ZNF385B: variants seen among roughly 807,000 people sequenced by gnomAD.
ZNF385B encodes zinc finger protein 385B.
ZNF385B carries 23 observed loss-of-function variants against 39.2 expected under a neutral mutation model. The observed-to-expected ratio is 0.59, with a 90% confidence interval of 0.42 to 0.83. The LOEUF is 0.83. Ranked by LOEUF, ZNF385B falls within the 40% of genes least tolerant of loss-of-function variation. ZNF385B has a pLI of 0.00. For missense variants in ZNF385B, 552 were observed against 598.9 expected (o/e 0.92, Z 0.82); for synonymous variants, 205 against 222.6 (o/e 0.92, Z 0.70).
intron 1 of ZNF385B, among the ~76,000 whole-genome samples, chr2:179,773,603 T>C (rs1486851176): frequency 6.6e-6 from 1 of 152,164 alleles, no homozygotes; most frequent in Non-Finnish European, 1.5e-5. Flanking sequence ...ATTATTTATA[T>C]AGTTTTATGA....
At chr2:179,768,539 C>G (rs1456333290) in intron 3 of ZNF385B, among the ~76,000 whole-genome samples, 1 of 152,014 alleles carries the variant, frequency 6.6e-6, no homozygotes, top group East Asian at 1.9e-4. Flanking sequence ...AGTGAAATTC[C>G]AACAAATGTT....
At chr2:179,587,816 T>C (rs1388803499) in intron 3 of ZNF385B, among the ~76,000 whole-genome samples, 2 of 152,268 alleles carry the variant, frequency 1.3e-5, no homozygotes, top group Non-Finnish European at 2.9e-5. Context: ...TCAAGTCTTC[T>C]GTTCATAAGA....
chr2:179,461,700 A>T (rs13390691), intron 6 of ZNF385B, among the ~76,000 whole-genome samples: 44,075 of 152,008 alleles, frequency 0.29, 6,771 homozygotes, highest in East Asian at 0.46. Context: ...TGTGCAAAAT[A>T]CTACCCTTTT....
intron 6 of ZNF385B, among the ~76,000 whole-genome samples, chr2:179,482,044 C>T (rs1340076087): frequency 1.3e-5 from 2 of 152,236 alleles, no homozygotes; most frequent in Non-Finnish European, 1.5e-5. Flanking sequence ...ATTTAGTGAT[C>T]CTATTGTACA....
intron 3 of ZNF385B, among the ~76,000 whole-genome samples, chr2:179,724,822 G>A (rs1331025637): frequency 6.6e-6 from 1 of 152,152 alleles, no homozygotes; most frequent in Non-Finnish European, 1.5e-5. Flanking sequence ...AGCTAGGGAG[G>A]ATGGGAATGT....
intron 6 of ZNF385B, chr2:179,480,799 C>G (rs1574359688): frequency 6.6e-6 from 1 of 151,068 alleles, no homozygotes; most frequent in African/African-American, 2.4e-5. Context: ...TTATACCAAA[C>G]ACAGAGAAAC....
At chr2:179,821,981 T>C (rs547105956) in intron 1 of ZNF385B, among the ~76,000 whole-genome samples, 75 of 152,326 alleles carry the variant, frequency 4.9e-4, no homozygotes, top group African/African-American at 1.7e-3. Flanking sequence ...TGCTGCATAG[T>C]GCAAGGTTTT....
At chr2:179,478,345 T>C (rs1401191659) in intron 6 of ZNF385B, among the ~76,000 whole-genome samples, 1 of 152,224 alleles carries the variant, frequency 6.6e-6, no homozygotes, top group Non-Finnish European at 1.5e-5. Context: ...CTATTTAGTA[T>C]AGATAATCAA....
chr2:179,530,821 A>C (rs1348939743), intron 4 of ZNF385B, among the ~76,000 whole-genome samples: 1 of 152,234 alleles, frequency 6.6e-6, no homozygotes, highest in Non-Finnish European at 1.5e-5. Context: ...AGCACTAGTA[A>C]AGCTCTAGAC....
chr2:179,630,410 C>T (rs1455512255), intron 3 of ZNF385B, among the ~76,000 whole-genome samples: 2 of 152,226 alleles, frequency 1.3e-5, no homozygotes, highest in African/African-American at 2.4e-5. Flanking sequence ...CAAATGCCAA[C>T]AGATCTGCAG....
rs114721962 is a variant in ZNF385B, at chr2:179,576,578, T to C, written c.299-31609A>G. Among the ~76,000 whole-genome samples the C allele has an allele frequency of 2.4e-3, 361 of 152,322 alleles. 2 individuals are homozygous for C. The highest frequency in any genetic ancestry group is 8.3e-3 in the African/African-American group (347 of 41,580). ...CTTCACTTTGTTCCTGTAATACCTATATTCCACATCACCGTAGTTACTGCA... is the reference window on the plus strand; with the variant it reads ...CTTCACTTTGTTCCTGTAATACCTACATTCCACATCACCGTAGTTACTGCA... On this transcript the variant is annotated intron_variant, in intron 3 of 9. Coordinates refer to ENST00000410066, the MANE Select transcript of ZNF385B (RefSeq NM_152520.6).
At chr2:179,642,569 G>A (rs1271524540) in intron 3 of ZNF385B, among the ~76,000 whole-genome samples, 2 of 152,048 alleles carry the variant, frequency 1.3e-5, no homozygotes, top group Admixed American at 6.6e-5. Context: ...ACCCTGAAGG[G>A]TTCCGAGACA....
intron 6 of ZNF385B, among the ~76,000 whole-genome samples, chr2:179,452,120 G>A (rs758248804): frequency 3.3e-5 from 5 of 152,024 alleles, no homozygotes; most frequent in African/African-American, 4.8e-5. Flanking sequence ...AGAATTGTTC[G>A]TTGTAACAAA....
intron 6 of ZNF385B, among the ~76,000 whole-genome samples, chr2:179,463,023 A>G (rs2051527952): frequency 5.9e-5 from 9 of 152,184 alleles, no homozygotes; most frequent in Admixed American, 5.2e-4. Context: ...CATATATAAT[A>G]AAAAGTTATA....
At chr2:179,770,726 A>G (rs1703965661) in intron 1 of ZNF385B, 54 bp from the exon 2 acceptor site, 1 of 152,220 alleles carries the variant, frequency 6.6e-6, no homozygotes, top group Non-Finnish European at 1.5e-5. Context: ...AAAAGGAATG[A>G]AATAGAATAA....
intron 6 of ZNF385B, among the ~76,000 whole-genome samples, chr2:179,462,412 AC>A (rs1222497610): frequency 6.6e-6 from 1 of 152,196 alleles, no homozygotes; most frequent in Non-Finnish European, 1.5e-5. Flanking sequence ...GAAAAACCAC[AC>A]TGCAAACCTG....
At chr2:179,670,855 C>T (rs1695891951) in intron 3 of ZNF385B, among the ~76,000 whole-genome samples, 1 of 152,186 alleles carries the variant, frequency 6.6e-6, no homozygotes, top group African/African-American at 2.4e-5. Context: ...TCATTGTGAG[C>T]AGTGGAGGAT....
chr2:179,793,522 TA>T (rs1319838850), intron 1 of ZNF385B, among the ~76,000 whole-genome samples: 3 of 152,216 alleles, frequency 2.0e-5, no homozygotes, highest in Non-Finnish European at 4.4e-5. Context: ...GATGGTTTTA[TA>T]AGAGGCTCTT....
At chr2:179,731,885 ACCAGCTTG>A (rs1701417435) in intron 3 of ZNF385B, among the ~76,000 whole-genome samples, 1 of 152,246 alleles carries the variant, frequency 6.6e-6, no homozygotes, top group South Asian at 2.1e-4. Context: ...GCCCTCTGCA[ACCAGCTTG>A]CCTGCTTTGC....
Sources: allele counts gnomAD v4.1 joint callset (sites outside exome capture counted in the v4.1 genomes callset), GRCh38; gene constraint gnomAD v4.1.1; transcripts MANE v1.5; gene names NCBI Gene and HGNC (gene_info 2026-07-23, HGNC 2026-07-21).